Variants in PSMD1 observed in about 807,000 individuals in gnomAD.
The protein encoded by PSMD1 is proteasome 26S subunit, non-ATPase 1.
Under a neutral mutation model 119.0 loss-of-function variants are expected in PSMD1, and 18 were observed. That is an observed-to-expected ratio of 0.15 (90% CI 0.10 to 0.22). The LOEUF is 0.22. Ranked by LOEUF, PSMD1 falls within the 10% of genes least tolerant of loss-of-function variation. The pLI is 1.00. For synonymous variants in PSMD1, 374 were observed against 396.6 expected (o/e 0.94, Z 0.68); for missense variants, 702 against 1,158.5 (o/e 0.61, Z 5.72).
chr2:231,092,142 A>G (rs147121120), intron 16 of PSMD1, among the ~76,000 whole-genome samples: 2 of 152,326 alleles, frequency 1.3e-5, no homozygotes, highest in African/African-American at 2.4e-5. Context: ...AAGTGTGCCT[A>G]TGAATCTTTT....
At chr2:231,119,722 T>G (rs539795064) in intron 16 of PSMD1, among the ~76,000 whole-genome samples, 4 of 151,902 alleles carry the variant, frequency 2.6e-5, no homozygotes, top group Admixed American at 2.6e-4. Flanking sequence ...AATACAAAAC[T>G]TAGCCAGGTG....
At chr2:231,149,302 C>A (rs968763353) in intron 18 of PSMD1, among the ~76,000 whole-genome samples, 4 of 152,086 alleles carry the variant, frequency 2.6e-5, no homozygotes, top group Non-Finnish European at 5.9e-5. Flanking sequence ...GTCCTTGGAG[C>A]TATTTTGCTC....
chr2:231,110,713 G>T (rs1386077400), intron 16 of PSMD1, among the ~76,000 whole-genome samples: 1 of 152,300 alleles, frequency 6.6e-6, no homozygotes, highest in East Asian at 1.9e-4. Context: ...TCTACACCAG[G>T]GGTCATTATA....
At chr2:231,097,592 AT>A (rs1269162140) in intron 16 of PSMD1, among the ~76,000 whole-genome samples, 1 of 152,192 alleles carries the variant, frequency 6.6e-6, no homozygotes, top group East Asian at 1.9e-4. Flanking sequence ...AGTGTAGTTA[AT>A]AAATCGCTGC....
At chr2:231,127,029 GCACA>G (rs1025274923) in intron 16 of PSMD1, among the ~76,000 whole-genome samples, 1 of 151,438 alleles carries the variant, frequency 6.6e-6, no homozygotes, top group African/African-American at 2.4e-5. Context: ...ACACATACAC[GCACA>G]CACACGCACA....
At chr2:231,146,532 T>G (rs1696257625) in intron 18 of PSMD1, among the ~76,000 whole-genome samples, 176 bp downstream of exon 18, 1 of 110,670 alleles carries the variant, frequency 9.0e-6, no homozygotes, top group African/African-American at 6.5e-5. Context: ...TGTAATGCTC[T>G]TTAAATGTAT....
At chr2:231,108,725 C>T (rs1387911502) in intron 16 of PSMD1, 1 of 1,614,082 alleles carries the variant, frequency 6.2e-7, no homozygotes, top group Non-Finnish European at 8.5e-7. Flanking sequence ...GTAGATCTTA[C>T]TGGAGCGTTT....
intron 21 of PSMD1, 164 bp from the exon 22 acceptor site, chr2:231,165,035 TA>T (rs1256283335): frequency 0.3 from 1,492 of 4,970 alleles, 94 homozygotes; most frequent in Non-Finnish European, 0.32. Context: ...TATATATATT[TA>T]TATATATATA....
At chr2:231,136,117 TA>T (rs1695958449) in intron 16 of PSMD1, among the ~76,000 whole-genome samples, 1 of 152,184 alleles carries the variant, frequency 6.6e-6, no homozygotes, top group Non-Finnish European at 1.5e-5. Flanking sequence ...TTTTAATAAA[TA>T]AATGTTTTAA....
At chr2:231,066,213 T>A (rs1258591099) in intron 4 of PSMD1, among the ~76,000 whole-genome samples, 3 of 152,258 alleles carry the variant, frequency 2.0e-5, no homozygotes, top group Admixed American at 6.5e-5. Flanking sequence ...TCAAAGGATC[T>A]GCTACAGTTG....
chr2:231,115,779 A>C (rs999844575), intron 16 of PSMD1, among the ~76,000 whole-genome samples: 5 of 152,146 alleles, frequency 3.3e-5, no homozygotes, highest in South Asian at 2.1e-4. Context: ...TAGAACTGCC[A>C]CTCAGAGTTT....
intron 18 of PSMD1, among the ~76,000 whole-genome samples, chr2:231,151,650 A>G (rs1006072598): frequency 1.3e-5 from 2 of 151,986 alleles, no homozygotes; most frequent in African/African-American, 4.8e-5. Flanking sequence ...GCTTTGTTCT[A>G]TGTTTCTTTT....
chr2:231,137,491 G>A (rs1696002775), intron 16 of PSMD1, among the ~76,000 whole-genome samples: 1 of 152,104 alleles, frequency 6.6e-6, no homozygotes, highest in African/African-American at 2.4e-5. Flanking sequence ...AGCTGTATAT[G>A]CAGCTTCAAA....
At chr2:231,144,418 A>ATTTTTTTTTTTTTTTT (rs751682132) in intron 17 of PSMD1, among the ~76,000 whole-genome samples, 2 of 75,192 alleles carry the variant, frequency 2.7e-5, no homozygotes, top group Non-Finnish European at 4.7e-5. Flanking sequence ...CGCCCAGCTA[A>ATTTTTTTTTTTTTTTT]TTTTTTTTTT....
At chr2:231,102,565 T>C (rs1168318889) in intron 16 of PSMD1, among the ~76,000 whole-genome samples, 3 of 152,164 alleles carry the variant, frequency 2.0e-5, no homozygotes, top group African/African-American at 4.8e-5. Context: ...GAAAATGTTA[T>C]TAAGAAAATC....
Position 231,170,587 on chromosome 2 carries a change from A to G in PSMD1, c.2737A>G (p.Ile913Val), listed in dbSNP as rs768393808. The change falls in exon 24 of 25, where the codon ATT becomes GTT. Residue 913 changes from isoleucine to valine, a missense_variant. Around this residue, in one of 9 missense-constraint regions of PSMD1, gnomAD observed 152 missense variants for 239.3 expected, o/e 0.64. Transcript: ENST00000308696. This position sits in a 1 kb window ranked among gnomAD's most constrained non-coding sequence, Gnocchi z 4.1. The part of the protein sequence containing the change: ...FKPLSIGGII[I>V]LKDTSEDIEE... ...CCAGCTCTCTATTGGAGGCATCATC[A>G]TTCTGAAGGATACCAGTGAAGACAT... 5.0e-6 allele frequency: 8 copies of G among 1,613,464 alleles called. No individual in the cohort carries two copies. In the East Asian group the frequency reaches 1.8e-4, roughly 36 times the overall value.
chr2:231,085,914 T>TC (rs1694419719), intron 15 of PSMD1, among the ~76,000 whole-genome samples: 1 of 152,180 alleles, frequency 6.6e-6, no homozygotes, highest in African/African-American at 2.4e-5. Flanking sequence ...AACTCCTTTT[T>TC]CCCAGAGATA....
chr2:231,128,723 T>A (rs989022439), intron 16 of PSMD1, among the ~76,000 whole-genome samples: 2 of 152,016 alleles, frequency 1.3e-5, no homozygotes, highest in Non-Finnish European at 2.9e-5. Context: ...ATACCAGGAG[T>A]GTGATAGGCT....
intron 5 of PSMD1, among the ~76,000 whole-genome samples, chr2:231,067,443 T>C (rs1186378926): frequency 6.6e-6 from 1 of 152,190 alleles, no homozygotes; most frequent in Non-Finnish European, 1.5e-5. Flanking sequence ...TGGTTTGCGG[T>C]GTTTGCAATA....
Sources: allele counts gnomAD v4.1 joint callset (sites outside exome capture counted in the v4.1 genomes callset), GRCh38; gene constraint gnomAD v4.1.1; regional missense constraint gnomAD v4.1.1; non-coding constraint Gnocchi (gnomAD v3.1); transcripts MANE v1.5; gene names NCBI Gene and HGNC (gene_info 2026-07-23, HGNC 2026-07-21).